Variants in ALK observed in about 807,000 individuals in gnomAD.
ALK encodes the protein ALK receptor tyrosine kinase.
In ALK, 74 loss-of-function variants were observed where a neutral mutation model predicts 163.1. The ratio of observed to expected loss-of-function variants is 0.45; its 90% CI spans 0.38 to 0.55. The LOEUF (loss-of-function observed/expected upper bound fraction) is 0.55, where lower values mean the gene tolerates loss of function less well. ALK is among the 20% of genes least tolerant of loss of function. The pLI is 0.00. For missense variants in ALK, 2,063 were observed against 2,105.3 expected (o/e 0.98, Z 0.39); for synonymous variants, 960 against 843.2 (o/e 1.14, Z -2.40).
At chr2:29,570,175 A>C (rs1226226124) in intron 3 of ALK, among the ~76,000 whole-genome samples, 1 of 152,244 alleles carries the variant, frequency 6.6e-6, no homozygotes, top group Non-Finnish European at 1.5e-5. Flanking sequence ...GAGCTGCACA[A>C]TTAAACTCCT....
chr2:29,352,575 T>C (rs1283806965), intron 5 of ALK, among the ~76,000 whole-genome samples: 2 of 152,234 alleles, frequency 1.3e-5, no homozygotes, highest in African/African-American at 4.8e-5. Flanking sequence ...CATCCAATTA[T>C]CTGGGAAAAG....
chr2:29,774,957 C>G (rs1681130742), intron 1 of ALK, among the ~76,000 whole-genome samples: 1 of 152,118 alleles, frequency 6.6e-6, no homozygotes, highest in Non-Finnish European at 1.5e-5. Flanking sequence ...GTTGTTCATT[C>G]TATAATTAAA....
intron 5 of ALK, among the ~76,000 whole-genome samples, chr2:29,344,951 A>C (rs1460763741): frequency 6.6e-6 from 1 of 152,232 alleles, no homozygotes; most frequent in Non-Finnish European, 1.5e-5. Flanking sequence ...TGACTTTAGT[A>C]TGAGCTGTGT....
At chr2:29,704,956 A>T (rs1359455075) in intron 2 of ALK, among the ~76,000 whole-genome samples, 1 of 151,796 alleles carries the variant, frequency 6.6e-6, no homozygotes, top group Non-Finnish European at 1.5e-5. Flanking sequence ...TAATATAAAT[A>T]CCTGTAATCC....
intron 1 of ALK, among the ~76,000 whole-genome samples, chr2:29,734,019 G>C (rs79547816): frequency 6.6e-6 from 1 of 152,076 alleles, no homozygotes; most frequent in Non-Finnish European, 1.5e-5. Context: ...GTCAGTCTGC[G>C]AGCCAGCAAA....
intron 26 of ALK, among the ~76,000 whole-genome samples, chr2:29,205,906 G>A (rs1193590967): frequency 1.3e-5 from 2 of 152,202 alleles, no homozygotes; most frequent in Admixed American, 1.3e-4. Flanking sequence ...CCACTTGGCA[G>A]TACTGTATCT....
chr2:29,644,580 C>T (rs1298924431), intron 3 of ALK, among the ~76,000 whole-genome samples: 3 of 150,276 alleles, frequency 2.0e-5, no homozygotes, highest in East Asian at 3.9e-4. Context: ...TTTTTTTCCC[C>T]CCACTCTCCA....
chr2:29,303,575 C>G (rs1165974381), intron 8 of ALK, among the ~76,000 whole-genome samples: 1 of 152,188 alleles, frequency 6.6e-6, no homozygotes, highest in East Asian at 1.9e-4. Flanking sequence ...ATAAAGACAC[C>G]TGCAGTCACA....
At chr2:29,254,035 T>C (rs1005551660) in intron 11 of ALK, among the ~76,000 whole-genome samples, 11 of 152,152 alleles carry the variant, frequency 7.2e-5, no homozygotes, top group African/African-American at 2.7e-4. Flanking sequence ...GTTCTCATGA[T>C]AGTGAGTTAG....
chr2:29,567,698 C>G (rs116782574), intron 3 of ALK, among the ~76,000 whole-genome samples: 14 of 152,130 alleles, frequency 9.2e-5, no homozygotes, highest in African/African-American at 2.7e-4. Flanking sequence ...CGTTTCCACT[C>G]TCCAAGAGAA....
chr2:29,863,333 C>T (rs1256835407), intron 1 of ALK, among the ~76,000 whole-genome samples: 1 of 152,152 alleles, frequency 6.6e-6, no homozygotes, highest in East Asian at 1.9e-4. Context: ...AGTGAAGAGA[C>T]AGCCTGTGGA....
At chr2:29,202,639 T>C (rs1355954184) in intron 26 of ALK, among the ~76,000 whole-genome samples, 2 of 152,386 alleles carry the variant, frequency 1.3e-5, no homozygotes, top group East Asian at 3.9e-4. Flanking sequence ...ACATAAATGA[T>C]ATCCTACTCC....
intron 3 of ALK, among the ~76,000 whole-genome samples, chr2:29,614,796 T>G (rs778305025): frequency 6.6e-6 from 1 of 152,130 alleles, no homozygotes; most frequent in Admixed American, 6.6e-5. Flanking sequence ...TGTTTCTTCT[T>G]AGTAATTTTC....
chr2:29,717,049 G>A (rs897295879), intron 2 of ALK, among the ~76,000 whole-genome samples: 3 of 150,022 alleles, frequency 2.0e-5, no homozygotes, highest in Non-Finnish European at 4.4e-5. Context: ...GTGGGAGCCT[G>A]TAGTCCCAGC....
intron 6 of ALK, among the ~76,000 whole-genome samples, chr2:29,325,940 C>G (rs1667245503): frequency 6.6e-6 from 1 of 152,126 alleles, no homozygotes; most frequent in African/African-American, 2.4e-5. Flanking sequence ...ATGGGGAACA[C>G]AGCAAAAATG....
chr2:29,439,780 G>T (rs1027346619), intron 4 of ALK, among the ~76,000 whole-genome samples: 1 of 152,012 alleles, frequency 6.6e-6, no homozygotes, highest in Non-Finnish European at 1.5e-5. Flanking sequence ...TGCAAGGAAT[G>T]CCAAAGACTG....
chr2:29,573,161 C>G (rs1674427584), intron 3 of ALK, among the ~76,000 whole-genome samples: 1 of 152,200 alleles, frequency 6.6e-6, no homozygotes, highest in South Asian at 2.1e-4. Flanking sequence ...ACTGTGGCTC[C>G]CTGAGAACTG....
chr2:29,839,540 A>G (rs76945266), intron 1 of ALK, among the ~76,000 whole-genome samples: 1,887 of 152,266 alleles, frequency 0.012, 35 homozygotes, highest in African/African-American at 0.043. Context: ...GAAATTTCAG[A>G]GTCAGGATGA....
intron 11 of ALK, among the ~76,000 whole-genome samples, chr2:29,257,078 C>A (rs1664967047): frequency 6.6e-6 from 1 of 152,106 alleles, no homozygotes; most frequent in Non-Finnish European, 1.5e-5. Context: ...CCCATATCTC[C>A]CCTGCTGAGG....
Sources: gnomAD v4.1 joint callset for allele counts (sites outside exome capture counted in the v4.1 genomes callset) on GRCh38, gnomAD v4.1.1 for gene constraint, MANE v1.5 for transcripts, NCBI Gene and HGNC (gene_info 2026-07-23, HGNC 2026-07-21) for gene names.